ARSG: variants seen among roughly 807,000 people sequenced by gnomAD.
The protein encoded by ARSG is ASG.
ARSG carries 37 observed loss-of-function variants against 50.5 expected under a neutral mutation model. The observed-to-expected ratio is 0.73, with a 90% CI of 0.56 to 0.96. ARSG has a LOEUF of 0.96. ARSG is among the 50% of genes least tolerant of loss of function. The pLI, the probability that ARSG is intolerant of heterozygous loss-of-function variation, is 0.00. For missense variants in ARSG, 629 were observed against 675.3 expected (o/e 0.93, Z 0.76); for synonymous variants, 225 against 254.6 (o/e 0.88, Z 1.11).
chr17:68,436,318 T>C, the ARSG span: 1 of 1,488,020 alleles, frequency 6.7e-7, no homozygotes, highest in East Asian at 2.3e-5. Flanking sequence ...TCCTTATCTA[T>C]CTCCTTCCAT....
downstream of ARSG, chr17:68,426,228 C>T (rs1318473364): frequency 1.0e-6 from 1 of 984,538 alleles, no homozygotes; most frequent in Non-Finnish European, 1.5e-6. Flanking sequence ...GCTTTTATGC[C>T]ATGACCTGGC....
intron 1 of ARSG, among the ~76,000 whole-genome samples, chr17:68,281,791 A>C (rs527988517): frequency 6.6e-6 from 1 of 152,322 alleles, no homozygotes; most frequent in Non-Finnish European, 1.5e-5. Flanking sequence ...TGCGGAGAAA[A>C]GAACTCTTAT....
the ARSG span, among the ~76,000 whole-genome samples, chr17:68,433,027 C>A: frequency 6.6e-6 from 1 of 152,168 alleles, no homozygotes; most frequent in Non-Finnish European, 1.5e-5. Context: ...GCTTCCCAAG[C>A]GCTCAGTGGT....
intron 1 of ARSG, among the ~76,000 whole-genome samples, chr17:68,303,751 C>T (rs1404110063): frequency 6.6e-6 from 1 of 152,186 alleles, no homozygotes; most frequent in Admixed American, 6.5e-5. Context: ...CACCCAGCCC[C>T]ATTTTCCTTA....
chr17:68,287,638 G>C (rs2075871006), upstream of ARSG, among the ~76,000 whole-genome samples: 2 of 151,980 alleles, frequency 1.3e-5, no homozygotes, highest in Non-Finnish European at 2.9e-5. Context: ...TTTTATAACT[G>C]AGATCTCCAT....
intron 2 of ARSG, among the ~76,000 whole-genome samples, chr17:68,319,553 C>A (rs1368214352): frequency 2.0e-5 from 3 of 152,172 alleles, no homozygotes; most frequent in Non-Finnish European, 4.4e-5. Context: ...GAAATATTAA[C>A]CAGTGGGGCC....
chr17:68,291,995 G>C (rs1195234342), intron 1 of ARSG, among the ~76,000 whole-genome samples: 1 of 151,988 alleles, frequency 6.6e-6, no homozygotes. Flanking sequence ...CGGCGCCTGA[G>C]TTCCTCCTGC....
chr17:68,393,663 T>C (rs1198198913), intron 9 of ARSG, among the ~76,000 whole-genome samples: 2 of 152,044 alleles, frequency 1.3e-5, no homozygotes, highest in Non-Finnish European at 2.9e-5. Flanking sequence ...GGTCAGGAGT[T>C]TGAGACCAAC....
At chr17:68,343,359 G>A (rs546848679) in intron 2 of ARSG, among the ~76,000 whole-genome samples, 6 of 152,274 alleles carry the variant, frequency 3.9e-5, no homozygotes, top group African/African-American at 1.4e-4. Context: ...GTTTCACCAT[G>A]TTGGCCAGGC....
intron 6 of ARSG, among the ~76,000 whole-genome samples, chr17:68,363,854 T>C (rs1262063947): frequency 6.6e-6 from 1 of 152,148 alleles, no homozygotes; most frequent in African/African-American, 2.4e-5. Context: ...TAGTGGAAGA[T>C]GGCAAAATGG....
At chr17:68,285,194 A>G (rs2075813328) in intron 1 of ARSG, among the ~76,000 whole-genome samples, 1 of 152,252 alleles carries the variant, frequency 6.6e-6, no homozygotes, top group Non-Finnish European at 1.5e-5. Context: ...CTCAGTAGCT[A>G]CTAAGACCAA....
chr17:68,332,545 A>G (rs61391871), intron 2 of ARSG, among the ~76,000 whole-genome samples: 10,629 of 152,256 alleles, frequency 0.07, 859 homozygotes, highest in African/African-American at 0.2. Context: ...AATCTTCACA[A>G]TTGATGTTAA....
In ARSG at chr17:68,358,990, C is replaced by T. The variant is rs536729180; in HGVS notation, c.704+2186C>T. Reference sequence around the variant, plus strand: ...CATCCTGGCTAACACGATGAAACCCCGTCTCTACTAAAAATACAAAAAATT... The same window carrying T: ...CATCCTGGCTAACACGATGAAACCCTGTCTCTACTAAAAATACAAAAAATT... On this transcript the variant is annotated intron_variant, in intron 6 of 11. Coordinates refer to ENST00000621439, the MANE Select transcript of ARSG (RefSeq NM_001267727.2). Among the ~76,000 whole-genome samples the T allele has an allele frequency of 2.2e-3, 339 of 152,168 alleles. 7 individuals are homozygous for T. The highest frequency in any genetic ancestry group is 7.8e-4 in the Non-Finnish European group (53 of 67,994).
At chr17:68,427,863 T>C in the ARSG span, among the ~76,000 whole-genome samples, 1 of 152,136 alleles carries the variant, frequency 6.6e-6, no homozygotes, top group African/African-American at 2.4e-5. Context: ...CTGTGCCTGT[T>C]CACAGAAGGC....
intron 2 of ARSG, among the ~76,000 whole-genome samples, chr17:68,309,074 T>C (rs1163423767): frequency 6.6e-6 from 1 of 152,186 alleles, no homozygotes; most frequent in Non-Finnish European, 1.5e-5. Flanking sequence ...CAGCTAAGGC[T>C]CGGTGAGAAA....
At chr17:68,434,152 T>C in the ARSG span, among the ~76,000 whole-genome samples, 1 of 152,170 alleles carries the variant, frequency 6.6e-6, no homozygotes, top group Non-Finnish European at 1.5e-5. Context: ...TCCTGGCATC[T>C]TGGAATCTTC....
In ARSG at chr17:68,399,690, G is replaced by A. The variant is rs972878105; in HGVS notation, c.1213-1670G>A. ...GATTTTGGAAGTTGCCTCTGGTAAC[G>A]CCACATAAATAGTGGGAATATAGCA... On this transcript the variant is annotated intron_variant, in intron 10 of 11. Coordinates refer to ENST00000621439, the MANE Select transcript of ARSG (RefSeq NM_001267727.2). The surrounding 1 kb of genome is among the most constrained non-coding windows in gnomAD (Gnocchi z 4.6). Among the ~76,000 whole-genome samples, 1 of 152,174 alleles carries A rather than the reference G, an allele frequency of 6.6e-6. No homozygotes were observed.
chr17:68,273,379 C>T (rs1219446991), intron 1 of ARSG, among the ~76,000 whole-genome samples: 5 of 152,012 alleles, frequency 3.3e-5, no homozygotes, highest in African/African-American at 7.2e-5. Context: ...CGCACCACCA[C>T]GCTTGGCTAG....
intron 4 of ARSG, among the ~76,000 whole-genome samples, 176 bp downstream of exon 4, chr17:68,347,348 C>T (rs1309037901): frequency 6.6e-6 from 1 of 152,152 alleles, no homozygotes; most frequent in African/African-American, 2.4e-5. Context: ...GACCTTACAT[C>T]CCACTTGCTG....
Sources: allele counts gnomAD v4.1 joint callset (sites outside exome capture counted in the v4.1 genomes callset), GRCh38; gene constraint gnomAD v4.1.1; non-coding constraint Gnocchi (gnomAD v3.1); transcripts MANE v1.5; gene names NCBI Gene and HGNC (gene_info 2026-07-23, HGNC 2026-07-21).